DOP1A: variants seen among roughly 807,000 people sequenced by gnomAD.
The protein encoded by DOP1A is DOP1 leucine zipper like protein A, also known as protein DOP1A.
In DOP1A, 90 loss-of-function variants were observed where a neutral mutation model predicts 267.6. That is an observed-to-expected ratio of 0.34 (90% CI 0.28 to 0.40). DOP1A has a LOEUF of 0.40. Among genes scored for constraint, DOP1A ranks in the 10% least tolerant of loss-of-function variants. DOP1A has a pLI of 1.00. For synonymous variants in DOP1A, 932 were observed against 999.1 expected, an observed-to-expected ratio of 0.93 and a Z score of 1.27; for missense variants, 2,437 against 2,900.4, an observed-to-expected ratio of 0.84 and a Z score of 3.67.
rs577030970 is a variant in DOP1A at position 83,090,115 on chromosome 6, G to A, written c.-146-6616G>A. The stretch of plus-strand genomic sequence containing the variant: ...ATTAACATACTTGCTTCCCAGTGTT[G>A]TTTTGATTTCGTAGGAAATAATGAC... On this transcript the variant is annotated intron_variant, in intron 1 of 38. Coordinates refer to ENST00000349129, the MANE Select transcript of DOP1A (RefSeq NM_015018.4). Among the ~76,000 whole-genome samples the A allele has an allele frequency of 7.9e-5, 12 of 152,226 alleles. No homozygotes were observed. The East Asian group carries it at 2.3e-3, about 29-fold the overall frequency.
At chr6:83,082,627 G>GA (rs1385101797) in intron 1 of DOP1A, among the ~76,000 whole-genome samples, 1 of 152,056 alleles carries the variant, frequency 6.6e-6, no homozygotes, top group Non-Finnish European at 1.5e-5. Flanking sequence ...ATATGTTCTT[G>GA]AAAAATACAA....
At chr6:83,087,702 T>G (rs1181398982) in intron 1 of DOP1A, among the ~76,000 whole-genome samples, 2 of 152,214 alleles carry the variant, frequency 1.3e-5, no homozygotes, top group African/African-American at 4.8e-5. Context: ...AAGGATCAAC[T>G]GGGATTAAAT....
intron 38 of DOP1A, chr6:83,165,876 C>T: frequency 5.2e-6 from 2 of 382,166 alleles, no homozygotes; most frequent in Non-Finnish European, 1.0e-5. Flanking sequence ...ATTTGCTGAG[C>T]ATACTTATCA....
rs964575032 is a variant in DOP1A, at chr6:83,166,244, T to TA, written c.7093-1618_7093-1617insA. ...CGAACGACCATAAAATGGTCAACATTGAGTTCTTGGGCAGCTCTCTTATAG... is the reference window on the plus strand; with the variant it reads ...CGAACGACCATAAAATGGTCAACATTAGAGTTCTTGGGCAGCTCTCTTATAG... On this transcript the variant is annotated intron_variant, in intron 38 of 38. Coordinates refer to ENST00000349129, the MANE Select transcript of DOP1A (RefSeq NM_015018.4). 6.9e-5 allele frequency: 36 copies of TA among 522,004 alleles called. No homozygotes were observed. The Admixed American group carries it at 1.1e-3, about 15-fold the overall frequency. 32.3% of individuals were successfully genotyped at this position (522,004 alleles called of 1,614,324 possible). A position where few individuals can be genotyped will look rare whatever the true frequency, so the allele number is the denominator to read the frequency against.
chr6:83,107,657 A>G (rs1009047186), intron 4 of DOP1A, among the ~76,000 whole-genome samples: 1 of 152,234 alleles, frequency 6.6e-6, no homozygotes, highest in African/African-American at 2.4e-5. Flanking sequence ...GAGAACATCA[A>G]ATAGGGGGCC....
intron 8 of DOP1A, among the ~76,000 whole-genome samples, chr6:83,119,204 T>TTGTCATAAAG (rs1775948635): frequency 6.6e-6 from 1 of 152,196 alleles, no homozygotes; most frequent in South Asian, 2.1e-4. Context: ...TAAAGTCATG[T>TTGTCATAAAG]TCCCTTGTCC....
At chr6:83,091,108 TA>T (rs771595947) in intron 1 of DOP1A, among the ~76,000 whole-genome samples, 548 of 133,330 alleles carry the variant, frequency 4.1e-3, no homozygotes, top group Middle Eastern at 7.8e-3. Context: ...GGAAAAAAAT[TA>T]AAAAAAAAAA....
intron 1 of DOP1A, among the ~76,000 whole-genome samples, chr6:83,090,204 T>C (rs947303969): frequency 6.6e-6 from 1 of 152,256 alleles, no homozygotes; most frequent in African/African-American, 2.4e-5. Context: ...ATGTTACTTA[T>C]TTAATTTTGA....
intron 28 of DOP1A, 64 bp downstream of exon 28, chr6:83,151,723 A>T: frequency 6.6e-7 from 1 of 1,509,974 alleles, no homozygotes; most frequent in Non-Finnish European, 9.0e-7. Context: ...AAAATGAGAG[A>T]GTCAAATAAA....
Position 83,096,801 on chromosome 6 carries a change from G to T in DOP1A, c.-76G>T. The T allele has an allele frequency of 1.7e-6, 1 of 593,344 alleles. No homozygotes were observed. The highest frequency in any genetic ancestry group is 2.8e-6 in the Non-Finnish European group (1 of 356,194). 36.8% of individuals were successfully genotyped at this position (593,344 alleles called of 1,614,324 possible). ...TCCATGACCCTGAACACTAGCTGAGGAGAGTTTCAACCACTGCTAACAGTA... is the reference window on the plus strand; with the variant it reads ...TCCATGACCCTGAACACTAGCTGAGTAGAGTTTCAACCACTGCTAACAGTA... On this transcript the variant is annotated 5_prime_UTR_variant, in exon 2 of 39. Coordinates refer to ENST00000349129, the MANE Select transcript of DOP1A (RefSeq NM_015018.4).
chr6:83,140,455 C>A, intron 23 of DOP1A, 52 bp downstream of exon 23: 1 of 1,346,946 alleles, frequency 7.4e-7, no homozygotes, highest in South Asian at 1.4e-5. Context: ...AGGACCTTCC[C>A]AAAGATTATA....
intron 25 of DOP1A, among the ~76,000 whole-genome samples, chr6:83,145,884 A>C (rs908458884): frequency 6.6e-6 from 1 of 152,190 alleles, no homozygotes; most frequent in Non-Finnish European, 1.5e-5. Context: ...TCATATCTTC[A>C]TATGTACCTC....
chr6:83,156,940 T>C (rs1782935149), intron 34 of DOP1A, among the ~76,000 whole-genome samples: 1 of 152,232 alleles, frequency 6.6e-6, no homozygotes, highest in South Asian at 2.1e-4. Flanking sequence ...GTAAACATTT[T>C]AAACTTTTAT....
chr6:83,098,777 TG>T (rs1771967807), intron 3 of DOP1A, among the ~76,000 whole-genome samples: 1 of 152,132 alleles, frequency 6.6e-6, no homozygotes, highest in African/African-American at 2.4e-5. Context: ...GAGACTTCAT[TG>T]GATAGGCATG....
intron 10 of DOP1A, among the ~76,000 whole-genome samples, chr6:83,121,194 T>C (rs1476272002): frequency 6.6e-6 from 1 of 151,800 alleles, no homozygotes; most frequent in African/African-American, 2.4e-5. Flanking sequence ...TCTTTATCCA[T>C]TGTATATTTC....
At chr6:83,078,768 T>C (rs1767575190) in intron 1 of DOP1A, among the ~76,000 whole-genome samples, 1 of 152,170 alleles carries the variant, frequency 6.6e-6, no homozygotes, top group South Asian at 2.1e-4. Context: ...TTTGTAGAGA[T>C]TTTTTACAAT....
At chr6:83,167,583 T>G in intron 38 of DOP1A, 1 of 1,117,286 alleles carries the variant, frequency 9.0e-7, no homozygotes, top group Non-Finnish European at 1.1e-6. Flanking sequence ...CTTTTATGTT[T>G]GACTCTATTC....
Position 83,140,284 on chromosome 6 carries a change from C to T in DOP1A, c.5296C>T (p.His1766Tyr), listed in dbSNP as rs1308748368. Reference sequence around the variant, plus strand: ...ACGCAGTGGAATCCTCTCAATCCTTCATATGATCATGTCCTCTGTGACACT... The same window carrying T: ...ACGCAGTGGAATCCTCTCAATCCTTTATATGATCATGTCCTCTGTGACACT... ...EARSGILSIL[H>Y]MIMSSVTLLW... The change falls in exon 23 of 39, where the codon CAT becomes TAT. Residue 1766 changes from histidine to tyrosine, a missense_variant. Around this residue, in one of 9 missense-constraint regions of DOP1A, gnomAD observed 307 missense variants for 308.6 expected, o/e 0.99. Coordinates refer to ENST00000349129, the MANE Select transcript of DOP1A (RefSeq NM_015018.4). The T allele has an allele frequency of 6.2e-7, 1 of 1,613,700 alleles. No homozygotes were observed. The highest frequency in any genetic ancestry group is 2.2e-5 in the East Asian group (1 of 44,868).
chr6:83,092,348 T>A (rs142187904), intron 1 of DOP1A, among the ~76,000 whole-genome samples: 1 of 152,334 alleles, frequency 6.6e-6, no homozygotes, highest in African/African-American at 2.4e-5. Context: ...AAAACATAGT[T>A]CCTGCTCTCA....
Sources: allele counts gnomAD v4.1 joint callset (sites outside exome capture counted in the v4.1 genomes callset), GRCh38; gene constraint gnomAD v4.1.1; regional missense constraint gnomAD v4.1.1; transcripts MANE v1.5; gene names NCBI Gene and HGNC (gene_info 2026-07-23, HGNC 2026-07-21).